DLGAP1: variants seen among roughly 807,000 people sequenced by gnomAD.
The protein encoded by DLGAP1 is disks large-associated protein 1.
Under a neutral mutation model 90.8 loss-of-function variants are expected in DLGAP1, and 11 were observed. The observed-to-expected ratio is 0.12, with a 90% CI of 0.08 to 0.20. The LOEUF (loss-of-function observed/expected upper bound fraction) is 0.20, where lower values mean the gene tolerates loss of function less well. DLGAP1 is among the 10% of genes least tolerant of loss of function. The pLI is 1.00. For missense variants in DLGAP1, 1,050 were observed against 1,333.8 expected (o/e 0.79, Z 3.31); for synonymous variants, 558 against 540.7 (o/e 1.03, Z -0.44).
intron 3 of DLGAP1, among the ~76,000 whole-genome samples, chr18:3,945,765 T>C (rs1271152361): frequency 2.2e-5 from 3 of 135,808 alleles, no homozygotes; most frequent in Non-Finnish European, 4.7e-5. Context: ...ACATGTACCC[T>C]AAAACTTAAA....
chr18:3,559,684 A>G (rs1459509142), intron 9 of DLGAP1, among the ~76,000 whole-genome samples: 8 of 140,154 alleles, frequency 5.7e-5, no homozygotes, highest in Non-Finnish European at 1.1e-4. Context: ...GTGCAGTGGC[A>G]CGATCTCAGC....
At chr18:3,546,733 A>G (rs557943864) in intron 9 of DLGAP1, among the ~76,000 whole-genome samples, 1 of 152,292 alleles carries the variant, frequency 6.6e-6, no homozygotes, top group Non-Finnish European at 1.5e-5. Flanking sequence ...TTTGTAGGAT[A>G]TAGTTAAAGC....
At chr18:3,874,790 A>G in intron 4 of DLGAP1, 1 of 1,387,136 alleles carries the variant, frequency 7.2e-7, no homozygotes, top group Non-Finnish European at 9.3e-7. Context: ...CTTGACATTT[A>G]AAAATAACAA....
At chr18:4,011,644 T>C (rs1489597294) in intron 2 of DLGAP1, among the ~76,000 whole-genome samples, 1 of 151,898 alleles carries the variant, frequency 6.6e-6, no homozygotes, top group African/African-American at 2.4e-5. Flanking sequence ...TAGTGAAACC[T>C]TGTCTCTACC....
intron 2 of DLGAP1, among the ~76,000 whole-genome samples, chr18:4,143,327 A>C (rs2076527032): frequency 1.3e-5 from 2 of 151,738 alleles, no homozygotes; most frequent in African/African-American, 4.8e-5. Flanking sequence ...TGGTACTCAC[A>C]AGTCAAAGTC....
chr18:4,359,562 C>G (rs1188864781), intron 1 of DLGAP1, among the ~76,000 whole-genome samples: 1 of 152,210 alleles, frequency 6.6e-6, no homozygotes, highest in Non-Finnish European at 1.5e-5. Flanking sequence ...TCACATAAAA[C>G]TTATATTAAA....
At chr18:4,256,906 G>A (rs1456280322) in intron 1 of DLGAP1, among the ~76,000 whole-genome samples, 1 of 152,096 alleles carries the variant, frequency 6.6e-6, no homozygotes, top group Non-Finnish European at 1.5e-5. Context: ...AGGAGGAGAA[G>A]GACCATAACT....
intron 7 of DLGAP1, among the ~76,000 whole-genome samples, chr18:3,726,320 C>G (rs1457994870): frequency 6.6e-6 from 1 of 152,052 alleles, no homozygotes; most frequent in African/African-American, 2.4e-5. Flanking sequence ...GTAAGAAAAT[C>G]AATTTTCTGC....
chr18:3,703,525 G>A (rs980143402), intron 7 of DLGAP1, among the ~76,000 whole-genome samples: 1 of 152,244 alleles, frequency 6.6e-6, no homozygotes, highest in African/African-American at 2.4e-5. Flanking sequence ...AGAAGGAGGA[G>A]TGTGAGGAGG....
At chr18:4,013,391 G>C (rs1282387841) in intron 2 of DLGAP1, among the ~76,000 whole-genome samples, 3 of 152,232 alleles carry the variant, frequency 2.0e-5, no homozygotes, top group Non-Finnish European at 4.4e-5. Flanking sequence ...CAGTTAGTAA[G>C]TGAAGGAGCT....
intron 1 of DLGAP1, among the ~76,000 whole-genome samples, chr18:4,377,640 T>G (rs990843527): frequency 6.6e-6 from 1 of 152,156 alleles, no homozygotes; most frequent in Admixed American, 6.6e-5. Context: ...GACATGTAAA[T>G]TATTACTTTC....
intron 8 of DLGAP1, among the ~76,000 whole-genome samples, chr18:3,574,393 G>C (rs1338192470): frequency 6.6e-6 from 1 of 152,212 alleles, no homozygotes; most frequent in Non-Finnish European, 1.5e-5. Flanking sequence ...ACAGCCCATA[G>C]TGGTGATTTA....
intron 1 of DLGAP1, chr18:4,248,610 C>T (rs902805976): frequency 1.3e-5 from 2 of 152,204 alleles, no homozygotes; most frequent in Non-Finnish European, 2.9e-5. Flanking sequence ...CGATGGAGAG[C>T]TGCCCTGAAC....
intron 1 of DLGAP1, among the ~76,000 whole-genome samples, chr18:4,345,622 C>A (rs2081288884): frequency 6.6e-6 from 1 of 152,212 alleles, no homozygotes; most frequent in Non-Finnish European, 1.5e-5. Flanking sequence ...GAATGCTTGT[C>A]ATGAAATTCC....
intron 1 of DLGAP1, among the ~76,000 whole-genome samples, chr18:4,374,427 A>G (rs1050501513): frequency 6.6e-5 from 10 of 152,160 alleles, no homozygotes; most frequent in African/African-American, 2.4e-4. Flanking sequence ...CTACCCAGAG[A>G]TGAATGAAAA....
chr18:4,130,566 T>C (rs1398249281), intron 2 of DLGAP1, among the ~76,000 whole-genome samples: 2 of 152,170 alleles, frequency 1.3e-5, no homozygotes, highest in Non-Finnish European at 2.9e-5. Flanking sequence ...CTTTACAATA[T>C]TAGAATCTAG....
At position 3,497,979 on chromosome 18, in the gene DLGAP1, C is replaced by T. The variant is rs2049749829; in HGVS notation, c.*1206G>A. The T allele has an allele frequency of 6.6e-6, 1 of 152,154 alleles. No homozygotes were observed. Among genetic ancestry groups the T allele is most frequent in the South Asian group, 2.1e-4 (1 of 4,826 alleles). The allele number at this position is 152,154 out of a possible 1,614,324, so 9.4% of individuals were successfully genotyped here. A position where few individuals can be genotyped will look rare whatever the true frequency, so the allele number is the denominator to read the frequency against. ...CTATTGGGGCAAAAATTTATTTTAG[C>T]CATTTGACACAGGACAGAATCCTAT... On this transcript the variant is annotated 3_prime_UTR_variant, in exon 13 of 13. Transcript: ENST00000315677.
At chr18:4,241,642 A>C (rs2078536253) in intron 1 of DLGAP1, among the ~76,000 whole-genome samples, 1 of 152,220 alleles carries the variant, frequency 6.6e-6, no homozygotes, top group Non-Finnish European at 1.5e-5. Flanking sequence ...AAACAAATAG[A>C]AATGCAAAAT....
At chr18:4,187,545 A>G (rs1388004247) in intron 1 of DLGAP1, among the ~76,000 whole-genome samples, 1 of 152,182 alleles carries the variant, frequency 6.6e-6, no homozygotes, top group East Asian at 1.9e-4. Flanking sequence ...TTGTGTGTAT[A>G]AATGCAAATT....
Sources: gnomAD v4.1 joint callset for allele counts (sites outside exome capture counted in the v4.1 genomes callset) on GRCh38, gnomAD v4.1.1 for gene constraint, MANE v1.5 for transcripts, NCBI Gene and HGNC (gene_info 2026-07-23, HGNC 2026-07-21) for gene names.